FSTL1: variants seen among roughly 807,000 people sequenced by gnomAD.
The protein encoded by FSTL1 is follistatin like 1.
A neutral mutation model predicts 45.9 loss-of-function variants in FSTL1; 24 were observed. The ratio of observed to expected loss-of-function variants is 0.52; its 90% CI spans 0.38 to 0.74. The LOEUF is 0.74. Ranked by LOEUF, FSTL1 falls within the 30% of genes least tolerant of loss-of-function variation. The pLI is 0.00. For missense variants in FSTL1, 340 were observed against 381.8 expected, an observed-to-expected ratio of 0.89 and a Z score of 0.91; for synonymous variants, 120 against 137.6, an observed-to-expected ratio of 0.87 and a Z score of 0.89.
intron 2 of FSTL1, among the ~76,000 whole-genome samples, chr3:120,427,844 G>A (rs549070178): frequency 5.3e-5 from 8 of 152,210 alleles, no homozygotes; most frequent in Non-Finnish European, 1.2e-4. Flanking sequence ...GTGGGAATGT[G>A]GGGTATCTCA....
At chr3:120,441,404 C>T (rs559463001) in intron 2 of FSTL1, 11 of 152,312 alleles carry the variant, frequency 7.2e-5, no homozygotes, top group Non-Finnish European at 1.2e-4. Context: ...TCAATCTCTT[C>T]CTGGAGGAAT....
chr3:120,411,179 G>C, intron 4 of FSTL1, 195 bp from the exon 5 acceptor site: 1 of 520,838 alleles, frequency 1.9e-6, no homozygotes. Flanking sequence ...TGCTTTGTCT[G>C]ACAATTTAGG....
intron 2 of FSTL1, among the ~76,000 whole-genome samples, chr3:120,432,902 G>A (rs1430506295): frequency 3.3e-5 from 5 of 152,168 alleles, no homozygotes; most frequent in South Asian, 2.1e-4. Context: ...ATGAGACTTC[G>A]CCTCTGAGAT....
At chr3:120,435,025 C>G (rs927620683) in intron 2 of FSTL1, among the ~76,000 whole-genome samples, 1 of 152,106 alleles carries the variant, frequency 6.6e-6, no homozygotes, top group African/African-American at 2.4e-5. Context: ...TCAAGACCAG[C>G]CTGGCCAACA....
At chr3:120,436,959 T>C (rs985301020) in intron 2 of FSTL1, among the ~76,000 whole-genome samples, 2 of 152,050 alleles carry the variant, frequency 1.3e-5, no homozygotes, top group Admixed American at 1.3e-4. Context: ...GCCCTCCTGG[T>C]AGGGACCCTG....
chr3:120,432,705 C>T (rs549707385), intron 2 of FSTL1, among the ~76,000 whole-genome samples: 1 of 152,198 alleles, frequency 6.6e-6, no homozygotes, highest in African/African-American at 2.4e-5. Context: ...TGGAGAAATG[C>T]CACATATTTA....
At chr3:120,449,898 T>C (rs1257084468) in intron 2 of FSTL1, among the ~76,000 whole-genome samples, 1 of 152,210 alleles carries the variant, frequency 6.6e-6, no homozygotes. Flanking sequence ...TCCTGGAGAC[T>C]GGAGCCCGGG....
At chr3:120,399,492 A>G (rs1016461347) in intron 10 of FSTL1, among the ~76,000 whole-genome samples, 1 of 152,190 alleles carries the variant, frequency 6.6e-6, no homozygotes, top group Admixed American at 6.5e-5. Context: ...CAAGGGTACA[A>G]TGATGAGCAA....
intron 5 of FSTL1, chr3:120,409,934 T>C: frequency 7.4e-6 from 2 of 270,988 alleles, no homozygotes; most frequent in Non-Finnish European, 6.9e-6. Context: ...AGAAAAATAA[T>C]AAAGGATACT....
At chr3:120,409,741 A>G in intron 5 of FSTL1, 79 bp from the exon 6 acceptor site, 1 of 1,350,060 alleles carries the variant, frequency 7.4e-7, no homozygotes, top group Non-Finnish European at 1.1e-6. Flanking sequence ...GTGTGGGAGC[A>G]TCCGTGCCCA....
At chr3:120,434,434 G>A (rs1937519793) in intron 2 of FSTL1, among the ~76,000 whole-genome samples, 1 of 152,156 alleles carries the variant, frequency 6.6e-6, no homozygotes, top group Non-Finnish European at 1.5e-5. Flanking sequence ...CTTAGTTTAT[G>A]AGGTGAGTTC....
Position 120,410,595 on chromosome 3 carries a change from C to A in FSTL1, c.331+357G>T, listed in dbSNP as rs764486369. On this transcript the variant is annotated intron_variant, in intron 5 of 10. Coordinates refer to ENST00000295633, the MANE Select transcript of FSTL1 (RefSeq NM_007085.5). ...AAGTCTTACTGGCATTTCCAGTTAT[C>A]CCCTTTCAAAAAGAGTTGTGCCTTC... 327 of 371,666 alleles carry A rather than the reference C, an allele frequency of 8.8e-4. 1 individual carries two copies. Among genetic ancestry groups the A allele is most frequent in the Admixed American group, 1.4e-3 (38 of 27,444 alleles). The allele number at this position is 371,666 out of a possible 1,614,324, so 23.0% of individuals were successfully genotyped here. A position where few individuals can be genotyped will look rare whatever the true frequency, so the allele number is the denominator to read the frequency against.
chr3:120,439,008 G>A (rs542397841), intron 2 of FSTL1, among the ~76,000 whole-genome samples: 2 of 152,180 alleles, frequency 1.3e-5, no homozygotes, highest in South Asian at 4.1e-4. Flanking sequence ...GGGGAAACGA[G>A]TGAGGACAGA....
chr3:120,410,836 C>G, intron 5 of FSTL1, 116 bp downstream of exon 5: 1 of 869,508 alleles, frequency 1.2e-6, no homozygotes, highest in Middle Eastern at 2.2e-4. Context: ...TTCTGGGACA[C>G]AATTCTGATG....
chr3:120,417,354 C>T (rs760202707), intron 2 of FSTL1, among the ~76,000 whole-genome samples: 1 of 152,222 alleles, frequency 6.6e-6, no homozygotes, highest in Non-Finnish European at 1.5e-5. Context: ...TAGTCTGCTG[C>T]CACCCAGAGG....
At chr3:120,398,433 C>G (rs932135317) in intron 10 of FSTL1, among the ~76,000 whole-genome samples, 1 of 152,158 alleles carries the variant, frequency 6.6e-6, no homozygotes, top group Non-Finnish European at 1.5e-5. Context: ...TCCACACACA[C>G]TGATAGGCCA....
chr3:120,448,510 T>C (rs1244924632), intron 2 of FSTL1, among the ~76,000 whole-genome samples: 1 of 152,194 alleles, frequency 6.6e-6, no homozygotes, highest in Non-Finnish European at 1.5e-5. Context: ...CACCAGGAGG[T>C]TGGAATAATT....
intron 2 of FSTL1, among the ~76,000 whole-genome samples, chr3:120,442,788 G>GAAAAA (rs749297340): frequency 1.5e-4 from 8 of 53,252 alleles, no homozygotes; most frequent in Admixed American, 2.5e-4. Flanking sequence ...TCTCAAAAAA[G>GAAAAA]AAAAAAAAAA....
At chr3:120,421,784 T>C (rs1937283465) in intron 2 of FSTL1, among the ~76,000 whole-genome samples, 2 of 152,172 alleles carry the variant, frequency 1.3e-5, no homozygotes, top group Admixed American at 6.5e-5. Context: ...CCCTTCCTTA[T>C]ATGTGCTCAC....
Sources: gnomAD v4.1 joint callset for allele counts (sites outside exome capture counted in the v4.1 genomes callset) on GRCh38, gnomAD v4.1.1 for gene constraint, MANE v1.5 for transcripts, NCBI Gene and HGNC (gene_info 2026-07-23, HGNC 2026-07-21) for gene names.